KATNA1: variants seen among roughly 807,000 people sequenced by gnomAD.
The protein encoded by KATNA1 is katanin p60 ATPase-containing subunit A1.
A neutral mutation model predicts 62.6 loss-of-function variants in KATNA1; 42 were observed. The ratio of observed to expected loss-of-function variants is 0.67; its 90% CI spans 0.52 to 0.87. The LOEUF is 0.87. KATNA1 is among the 40% of genes least tolerant of loss of function. KATNA1 has a pLI of 0.00. For missense variants in KATNA1, 498 were observed against 612.5 expected (o/e 0.81, Z 1.97); for synonymous variants, 186 against 201.9 (o/e 0.92, Z 0.67).
intron 4 of KATNA1, among the ~76,000 whole-genome samples, chr6:149,616,363 C>A (rs541410152): frequency 7.2e-5 from 11 of 152,104 alleles, no homozygotes; most frequent in Admixed American, 7.2e-4. Flanking sequence ...TCAAAGAAAC[C>A]CGAAAATAAC....
chr6:149,598,179 C>G, intron 8 of KATNA1, 45 bp downstream of exon 8: 4 of 1,606,946 alleles, frequency 2.5e-6, no homozygotes, highest in Non-Finnish European at 3.4e-6. Flanking sequence ...GACACCACAC[C>G]TAACAACCTC....
In KATNA1 at chr6:149,648,674, C is replaced by T. The variant is rs886570034; in HGVS notation, c.-219G>A. 4 of 152,284 alleles carry T rather than the reference C, an allele frequency of 2.6e-5. No individual in the cohort carries two copies. Among genetic ancestry groups the T allele is most frequent in the Non-Finnish European group, 5.9e-5 (4 of 68,122 alleles). The allele number at this position is 152,284 out of a possible 1,614,324, so 9.4% of individuals were successfully genotyped here. ...CGCCGAGAATTTGAAGACAAACCCGCCAGGGTCACTTCCGGTGCCGGGGAC... is the reference window on the plus strand; with the variant it reads ...CGCCGAGAATTTGAAGACAAACCCGTCAGGGTCACTTCCGGTGCCGGGGAC... On this transcript the variant is annotated 5_prime_UTR_variant, in exon 1 of 11. Transcript: ENST00000367411.
chr6:149,610,714 G>A (rs1287751478), intron 4 of KATNA1, among the ~76,000 whole-genome samples: 1 of 152,162 alleles, frequency 6.6e-6, no homozygotes, highest in Admixed American at 6.6e-5. Flanking sequence ...AGTGCTGAGA[G>A]GGCAATTTAG....
intron 3 of KATNA1, among the ~76,000 whole-genome samples, chr6:149,632,430 TC>T (rs1779884245): frequency 6.6e-6 from 1 of 152,024 alleles, no homozygotes; most frequent in Non-Finnish European, 1.5e-5. Flanking sequence ...TTTATTATTT[TC>T]CCAAAGCTAC....
chr6:149,607,470 T>A lies in KATNA1; in HGVS notation c.502-2688A>T, dbSNP rs949436349. ...CTACTAAAAATACAAAAATATTAGC[T>A]GGGCATAGTGGTACATGCCTGTAGT... is the stretch of plus-strand genomic sequence containing the variant. On this transcript the variant is annotated intron_variant, in intron 4 of 10. Coordinates refer to ENST00000367411, the MANE Select transcript of KATNA1 (RefSeq NM_007044.4). 2.3e-4 allele frequency among the ~76,000 whole-genome samples: 35 copies of A among 152,030 alleles called. 1 individual carries two copies. The highest frequency in any genetic ancestry group is 2.1e-3 in the Admixed American group (32 of 15,258).
chr6:149,635,803 TC>T (rs1780044813), intron 2 of KATNA1, among the ~76,000 whole-genome samples: 1 of 151,976 alleles, frequency 6.6e-6, no homozygotes, highest in Non-Finnish European at 1.5e-5. Context: ...ATGCCTGCAA[TC>T]CCAGCACTTT....
intron 4 of KATNA1, among the ~76,000 whole-genome samples, chr6:149,619,926 G>A (rs1410286342): frequency 1.3e-5 from 2 of 151,202 alleles, no homozygotes; most frequent in South Asian, 2.1e-4. Context: ...AGTTCCTATC[G>A]ACAGATGAAT....
Position 149,594,908 on chromosome 6 carries a change from A to G in KATNA1, c.*128T>C, listed in dbSNP as rs905919150. Reference sequence around the variant, plus strand: ...AAAAATATTGCCTTTATTCAGAATCATAAGGGTTTTTTTAAAAAAATCTTA... The same window carrying G: ...AAAAATATTGCCTTTATTCAGAATCGTAAGGGTTTTTTTAAAAAAATCTTA... On this transcript the variant is annotated 3_prime_UTR_variant, in exon 11 of 11. Transcript: ENST00000367411. The G allele has an allele frequency of 1.4e-6, 1 of 690,070 alleles. No homozygotes were observed. Among genetic ancestry groups the G allele is most frequent in the Non-Finnish European group, 2.3e-6 (1 of 434,758 alleles). 42.7% of individuals were successfully genotyped at this position (690,070 alleles called of 1,614,324 possible).
At chr6:149,604,275 C>T (rs1021938766) in intron 5 of KATNA1, among the ~76,000 whole-genome samples, 11 of 151,920 alleles carry the variant, frequency 7.2e-5, no homozygotes, top group Non-Finnish European at 1.5e-4. Context: ...AGCTCAAGAC[C>T]AGCCTGATCA....
intron 4 of KATNA1, among the ~76,000 whole-genome samples, chr6:149,607,288 T>C (rs1201582308): frequency 2.0e-5 from 3 of 152,200 alleles, no homozygotes; most frequent in Non-Finnish European, 4.4e-5. Flanking sequence ...TTAGTTGAAG[T>C]AGTACAATTT....
intron 4 of KATNA1, 117 bp from the exon 5 acceptor site, chr6:149,604,899 G>C: frequency 1.1e-6 from 1 of 940,346 alleles, no homozygotes; most frequent in Non-Finnish European, 1.6e-6. Flanking sequence ...ATTTGGCCAG[G>C]CGCAGTGGCT....
At chr6:149,612,876 G>T (rs750191555) in intron 4 of KATNA1, among the ~76,000 whole-genome samples, 1 of 151,892 alleles carries the variant, frequency 6.6e-6, no homozygotes, top group Non-Finnish European at 1.5e-5. Context: ...TGCAACAAAC[G>T]CAGAAAAGCA....
chr6:149,617,219 C>T (rs954789066), intron 4 of KATNA1, among the ~76,000 whole-genome samples: 2 of 152,296 alleles, frequency 1.3e-5, no homozygotes, highest in Middle Eastern at 3.4e-3. Flanking sequence ...AAATAATGTT[C>T]TGTGGATAGA....
chr6:149,644,207 T>C (rs1044869830), intron 1 of KATNA1, among the ~76,000 whole-genome samples: 3 of 152,016 alleles, frequency 2.0e-5, no homozygotes, highest in African/African-American at 7.2e-5. Context: ...TAAAAGTATA[T>C]AGTTGTTCTA....
intron 1 of KATNA1, among the ~76,000 whole-genome samples, chr6:149,642,473 A>C (rs1780331594): frequency 6.6e-6 from 1 of 152,230 alleles, no homozygotes; most frequent in Admixed American, 6.5e-5. Flanking sequence ...ACAGATCCAC[A>C]AAGGAACTTG....
intron 8 of KATNA1, 117 bp downstream of exon 8, chr6:149,598,107 A>T: frequency 8.9e-7 from 1 of 1,122,170 alleles, no homozygotes; most frequent in Non-Finnish European, 1.3e-6. Flanking sequence ...ATCTGAAGTT[A>T]AGAATACCTA....
intron 3 of KATNA1, among the ~76,000 whole-genome samples, chr6:149,628,500 G>A (rs1447071603): frequency 6.6e-6 from 1 of 151,952 alleles, no homozygotes; most frequent in Non-Finnish European, 1.5e-5. Flanking sequence ...CTGATCATAA[G>A]GTTAGGATCA....
intron 6 of KATNA1, among the ~76,000 whole-genome samples, chr6:149,602,192 C>A (rs1388846735): frequency 6.6e-6 from 1 of 152,030 alleles, no homozygotes; most frequent in Non-Finnish European, 1.5e-5. Context: ...TGGTGAAGCC[C>A]CGTTTCTACT....
Position 149,594,921 on chromosome 6 carries a change from T to TAA in KATNA1, c.*113_*114dup. The TAA allele has an allele frequency of 1.3e-6, 1 of 749,330 alleles. No individual in the cohort carries two copies. Among genetic ancestry groups the TAA allele is most frequent in the Non-Finnish European group, 2.0e-6 (1 of 491,076 alleles). 46.4% of individuals were successfully genotyped at this position (749,330 alleles called of 1,614,324 possible). Reference sequence around the variant, plus strand: ...TTATTCAGAATCATAAGGGTTTTTTTAAAAAAATCTTACCATTATGAAAGT... The same window carrying TAA: ...TTATTCAGAATCATAAGGGTTTTTTTAAAAAAAAATCTTACCATTATGAAAGT... On this transcript the variant is annotated 3_prime_UTR_variant, in exon 11 of 11. Coordinates refer to ENST00000367411, the MANE Select transcript of KATNA1 (RefSeq NM_007044.4).
Sources: allele counts gnomAD v4.1 joint callset (sites outside exome capture counted in the v4.1 genomes callset), GRCh38; gene constraint gnomAD v4.1.1; transcripts MANE v1.5; gene names NCBI Gene and HGNC (gene_info 2026-07-23, HGNC 2026-07-21).